The following RGMB variants were observed in gnomAD, a reference collection of about 807,000 sequenced individuals.
RGMB encodes repulsive guidance molecule BMP co-receptor b, also known as repulsive guidance molecule B.
A neutral mutation model predicts 26.9 loss-of-function variants in RGMB; 16 were observed. The observed-to-expected ratio is 0.60, with a 90% CI of 0.40 to 0.90. RGMB has a LOEUF of 0.90. Among genes scored for constraint, RGMB ranks in the 40% least tolerant of loss-of-function variants. The pLI, the probability that RGMB is intolerant of heterozygous loss-of-function variation, is 0.00. For synonymous variants in RGMB, 225 were observed against 229.3 expected (o/e 0.98, Z 0.17); for missense variants, 512 against 573.3 (o/e 0.89, Z 1.09).
chr5:98,779,749 C>T lies in RGMB; in HGVS notation c.306C>T (p.Asn102=). The part of the protein sequence containing the change: ...TQRTSKACRG[N]LVYHSAVLGI... ...GAACTTCAAAAGCCTGCCGTGGCAA[C>T]CTGGTATACCATTCTGCCGTGTTGG... Residue 102 remains asparagine, a synonymous_variant, in exon 2 of 3, where the codon AAC becomes AAT. Transcript: ENST00000513185. The T allele has an allele frequency of 6.2e-7, 1 of 1,613,948 alleles. No homozygotes were observed. Among genetic ancestry groups the T allele is most frequent in the Non-Finnish European group, 8.5e-7 (1 of 1,179,824 alleles).
upstream of RGMB, chr5:98,771,701 G>C (rs1042464755): frequency 1.3e-5 from 2 of 152,136 alleles, no homozygotes; most frequent in Non-Finnish European, 2.9e-5. Flanking sequence ...TCCGTTTAAC[G>C]ACACCAGGAT....
chr5:98,787,422 G>A (rs944430979), intron 2 of RGMB, among the ~76,000 whole-genome samples: 2 of 152,194 alleles, frequency 1.3e-5, no homozygotes, highest in African/African-American at 4.8e-5. Context: ...ACCAGGAGAG[G>A]GAATGCCTGA....
rs780631692 is a variant in RGMB at position 98,793,750 on chromosome 5, G to A, written c.1311G>A (p.Leu437=). ...CCTGCTTGATCCTTATCGTGTTTTT[G>A]TAGGGGTTGTCTTTTGTTTTGGTTT... ...GLTCLILIVF[L] is the part of the protein sequence containing the mutation. Residue 437 remains leucine (L), a synonymous_variant, in exon 3 of 3, where the codon TTG becomes TTA. Transcript: ENST00000513185. The A allele has an allele frequency of 1.3e-5, 20 of 1,548,290 alleles. No individual in the cohort carries two copies. Among genetic ancestry groups the A allele is most frequent in the Non-Finnish European group, 1.6e-5 (18 of 1,145,778 alleles).
chr5:98,793,856 T>C lies in RGMB; in HGVS notation c.*103T>C. 2 of 893,414 alleles carry C rather than the reference T, an allele frequency of 2.2e-6. No individual in the cohort carries two copies. The highest frequency in any genetic ancestry group is 3.8e-5 in the South Asian group (2 of 52,144). 55.3% of individuals were successfully genotyped at this position (893,414 alleles called of 1,614,324 possible). On this transcript the variant is annotated 3_prime_UTR_variant, in exon 3 of 3. Coordinates refer to ENST00000513185, the MANE Select transcript of RGMB (RefSeq NM_001366508.1). ...TAAAAGAGTATATATGTATATACCA[T>C]GTATATGACAGGATGTTTGTCCTGG... is the stretch of plus-strand genomic sequence containing the variant.
upstream of RGMB, chr5:98,770,970 T>C (rs1746143388): frequency 8.8e-6 from 3 of 342,626 alleles, no homozygotes; most frequent in Non-Finnish European, 1.6e-5. Context: ...TGTTAAGCAG[T>C]CAGAGATTCT....
chr5:98,773,639 T>G, upstream of RGMB: 3 of 303,248 alleles, frequency 9.9e-6, no homozygotes, highest in Non-Finnish European at 1.2e-5. Flanking sequence ...GGGACTGAGA[T>G]TGATCGACCG....
Position 98,774,177 on chromosome 5 carries a change from TGC to T in RGMB, c.108_109del (p.Leu37ValfsTer10). The stretch of plus-strand genomic sequence containing the variant: ...CCGCCGCTGGAGCTGCTGCTGCTGC[TGC>T]TGTTCAGCCTCGGGCTGCTCCACGC... On this transcript the variant is annotated frameshift_variant, in exon 1 of 3. Coordinates refer to ENST00000513185, the MANE Select transcript of RGMB (RefSeq NM_001366508.1). LOFTEE classifies it high-confidence loss of function. 6.7e-7 allele frequency: 1 copy of T among 1,499,612 alleles called. No homozygotes were observed. Among genetic ancestry groups the T allele is most frequent in the African/African-American group, 1.4e-5 (1 of 69,034 alleles). The allele number at this position is 1,499,612 out of a possible 1,614,324, so 92.9% of individuals were successfully genotyped here.
chr5:98,770,325 C>T (rs961992615), upstream of RGMB: 1 of 323,704 alleles, frequency 3.1e-6, no homozygotes, highest in East Asian at 4.8e-5. Flanking sequence ...GAGTGGCTGG[C>T]TAATGAGAGG....
chr5:98,790,814 G>A (rs557180006), intron 2 of RGMB, among the ~76,000 whole-genome samples: 8 of 152,310 alleles, frequency 5.3e-5, no homozygotes, highest in South Asian at 2.1e-4. Context: ...TTATTTAGCC[G>A]TCATTGAAGA....
At chr5:98,772,283 CAGAT>C (rs1439940310), upstream of RGMB, among the ~76,000 whole-genome samples, 2 of 152,196 alleles carry the variant, frequency 1.3e-5, no homozygotes, top group African/African-American at 4.8e-5. Flanking sequence ...ACAGTAAAAA[CAGAT>C]AGGCATCCTT....
chr5:98,773,582 A>C (rs1224945176), upstream of RGMB: 2 of 221,254 alleles, frequency 9.0e-6, no homozygotes, highest in Non-Finnish European at 1.8e-5. Flanking sequence ...GCGGGGGATT[A>C]TGGCGTCGTG....
In RGMB at chr5:98,774,219, C is replaced by T. The variant is rs1298798361; in HGVS notation, c.136+13C>T. 2 of 1,420,010 alleles carry T rather than the reference C, an allele frequency of 1.4e-6. No individual in the cohort carries two copies. Among genetic ancestry groups the T allele is most frequent in the African/African-American group, 1.5e-5 (1 of 66,482 alleles). The allele number at this position is 1,420,010 out of a possible 1,614,324, so 88.0% of individuals were successfully genotyped here. On this transcript the variant is annotated intron_variant, in intron 1 of 2. Coordinates refer to ENST00000513185, the MANE Select transcript of RGMB (RefSeq NM_001366508.1). Reference sequence around the variant, plus strand: ...CTGCTCCACGCAGGTAGGACGGGAGCGCGCGAGGGGAGCCAGCCCCGGGGC... The same window carrying T: ...CTGCTCCACGCAGGTAGGACGGGAGTGCGCGAGGGGAGCCAGCCCCGGGGC...
At chr5:98,791,002 A>T (rs1415892361) in intron 2 of RGMB, among the ~76,000 whole-genome samples, 2 of 152,122 alleles carry the variant, frequency 1.3e-5, no homozygotes, top group African/African-American at 4.8e-5. Flanking sequence ...AAAAAAAAAC[A>T]CTTGTCAACG....
intron 2 of RGMB, among the ~76,000 whole-genome samples, chr5:98,790,308 C>T (rs1011012758): frequency 2.6e-5 from 4 of 152,220 alleles, no homozygotes; most frequent in South Asian, 2.1e-4. Context: ...GATAATTCTA[C>T]ACATATGCTC....
In RGMB at chr5:98,793,843, T is replaced by C; in HGVS notation, c.*90T>C. On this transcript the variant is annotated 3_prime_UTR_variant, in exon 3 of 3. Transcript: ENST00000513185. The stretch of plus-strand genomic sequence containing the variant: ...ATAATATATTGAGTAAAAGAGTATA[T>C]ATGTATATACCATGTATATGACAGG... 4.1e-6 allele frequency: 4 copies of C among 969,926 alleles called. No individual in the cohort carries two copies. Among genetic ancestry groups the C allele is most frequent in the Non-Finnish European group, 6.0e-6 (4 of 671,786 alleles). The allele number at this position is 969,926 out of a possible 1,614,324, so 60.1% of individuals were successfully genotyped here. A position where few individuals can be genotyped will look rare whatever the true frequency, so the allele number is the denominator to read the frequency against.
At position 98,779,600 on chromosome 5, in the gene RGMB, C is replaced by T; in HGVS notation, c.157C>T (p.Gln53Ter). The change falls in exon 2 of 3, where the codon CAA becomes TAA. Residue 53 changes from glutamine to a stop codon, truncating the protein, a stop_gained. Coordinates refer to ENST00000513185, the MANE Select transcript of RGMB (RefSeq NM_001366508.1). LOFTEE classifies it high-confidence loss of function. ...CATAGGTGACTGCCAACAGCCAGCC[C>T]AATGTCGAATCCAGAAATGCACCAC... ...LHAGDCQQPAQCRIQKCTTDF... is the reference protein window; with the variant it reads ...LHAGDCQQPA The T allele has an allele frequency of 6.6e-7, 1 of 1,518,258 alleles. No homozygotes were observed. Among genetic ancestry groups the T allele is most frequent in the Non-Finnish European group, 8.8e-7 (1 of 1,132,288 alleles). 94.0% of individuals were successfully genotyped at this position (1,518,258 alleles called of 1,614,324 possible). A position where few individuals can be genotyped will look rare whatever the true frequency, so the allele number is the denominator to read the frequency against.
upstream of RGMB, among the ~76,000 whole-genome samples, chr5:98,772,431 G>A (rs1818348): frequency 0.41 from 62,907 of 152,126 alleles, 16,220 homozygotes; most frequent in East Asian, 0.68. Flanking sequence ...CAGCATGTCC[G>A]TGGTTGATAA....
chr5:98,770,466 C>A, upstream of RGMB: 1 of 429,918 alleles, frequency 2.3e-6, no homozygotes, highest in Non-Finnish European at 4.1e-6. Context: ...GTGAGAGCAG[C>A]GGCGGAGCCC....
At position 98,793,827 on chromosome 5, in the gene RGMB, T is replaced by A; in HGVS notation, c.*74T>A. 8.6e-7 allele frequency: 1 copy of A among 1,159,746 alleles called. No individual in the cohort carries two copies. The highest frequency in any genetic ancestry group is 1.2e-6 in the Non-Finnish European group (1 of 840,112). 71.8% of individuals were successfully genotyped at this position (1,159,746 alleles called of 1,614,324 possible). On this transcript the variant is annotated 3_prime_UTR_variant, in exon 3 of 3. Transcript: ENST00000513185. ...TAAAATATATATTGTCATAATATAT[T>A]GAGTAAAAGAGTATATATGTATATA... is the stretch of plus-strand genomic sequence containing the variant.
Sources: allele counts gnomAD v4.1 joint callset (sites outside exome capture counted in the v4.1 genomes callset), GRCh38; gene constraint gnomAD v4.1.1; transcripts MANE v1.5; gene names NCBI Gene and HGNC (gene_info 2026-07-23, HGNC 2026-07-21).